METTL15: variants seen among roughly 807,000 people sequenced by gnomAD.
The protein encoded by METTL15 is 12S rRNA N(4)-cytidine methyltransferase METTL15.
In METTL15, 34 loss-of-function variants were observed where a neutral mutation model predicts 38.3. The observed-to-expected ratio is 0.89, with a 90% CI of 0.68 to 1.18. The LOEUF (loss-of-function observed/expected upper bound fraction) is 1.18, where lower values mean the gene tolerates loss of function less well. Ranked by LOEUF, METTL15 falls within the 50% of genes most tolerant of loss-of-function variation. The pLI is 0.00. For synonymous variants in METTL15, 162 were observed against 170.9 expected, an observed-to-expected ratio of 0.95 and a Z score of 0.41; for missense variants, 438 against 498.4, an observed-to-expected ratio of 0.88 and a Z score of 1.15.
chr11:28,525,306 A>C (rs570095177), intron 6 of METTL15, among the ~76,000 whole-genome samples: 25 of 152,222 alleles, frequency 1.6e-4, no homozygotes, highest in African/African-American at 4.3e-4. Context: ...AGAGAGCGGG[A>C]GTGGTCTGTT....
At chr11:28,295,632 G>A (rs1188665881) in intron 5 of METTL15, among the ~76,000 whole-genome samples, 1 of 151,842 alleles carries the variant, frequency 6.6e-6, no homozygotes, top group Non-Finnish European at 1.5e-5. Context: ...TGAAAAGCGA[G>A]GTTTGGACAA....
At chr11:28,510,736 C>T (rs945460754) in intron 6 of METTL15, among the ~76,000 whole-genome samples, 1 of 152,130 alleles carries the variant, frequency 6.6e-6, no homozygotes, top group Admixed American at 6.5e-5. Flanking sequence ...ATCTCATTCT[C>T]ACATCTTATA....
At chr11:28,185,576 G>A (rs1358182750) in intron 3 of METTL15, among the ~76,000 whole-genome samples, 1 of 151,348 alleles carries the variant, frequency 6.6e-6, no homozygotes, top group African/African-American at 2.4e-5. Flanking sequence ...ATCAACTTCA[G>A]TTTGCGGTGA....
intron 5 of METTL15, among the ~76,000 whole-genome samples, chr11:28,369,546 A>G (rs1359907137): frequency 2.0e-5 from 3 of 152,154 alleles, no homozygotes; most frequent in Admixed American, 1.3e-4. Context: ...TTGAAAACAG[A>G]AAGAGAAAAT....
chr11:28,221,833 G>A (rs1378076786), intron 4 of METTL15, among the ~76,000 whole-genome samples: 1 of 152,146 alleles, frequency 6.6e-6, no homozygotes, highest in Non-Finnish European at 1.5e-5. Flanking sequence ...GACCCTGTTT[G>A]CCTGGGTATC....
At chr11:28,117,279 A>G (rs201187315) in intron 3 of METTL15, among the ~76,000 whole-genome samples, 22,182 of 142,576 alleles carry the variant, frequency 0.16, 2,105 homozygotes, top group East Asian at 0.28. Flanking sequence ...ATATATATAT[A>G]TATATATATA....
chr11:28,211,325 T>C, intron 4 of METTL15, 127 bp downstream of exon 4: 6 of 781,936 alleles, frequency 7.7e-6, no homozygotes, highest in Non-Finnish European at 1.1e-5. Context: ...TTCTTCTTTT[T>C]TCCCCAAAAA....
At chr11:28,183,884 G>A (rs552897915) in intron 3 of METTL15, among the ~76,000 whole-genome samples, 1 of 152,088 alleles carries the variant, frequency 6.6e-6, no homozygotes, top group South Asian at 2.1e-4. Context: ...AATTCGTCTG[G>A]TTCTGGACTT....
chr11:28,436,849 A>T (rs750429511), intron 6 of METTL15, among the ~76,000 whole-genome samples: 1 of 152,096 alleles, frequency 6.6e-6, no homozygotes, highest in African/African-American at 2.4e-5. Context: ...GGGTGTGTCT[A>T]TGGGGATGTT....
chr11:28,313,481 C>T (rs1857376203), intron 6 of METTL15, among the ~76,000 whole-genome samples: 1 of 151,192 alleles, frequency 6.6e-6, no homozygotes. Context: ...TTATAAAGTA[C>T]AGGATTTTTA....
intron 4 of METTL15, among the ~76,000 whole-genome samples, chr11:28,287,078 T>G (rs1856297964): frequency 6.7e-6 from 1 of 150,022 alleles, no homozygotes; most frequent in Non-Finnish European, 1.5e-5. Flanking sequence ...TATATGTACA[T>G]GCACACACAC....
At chr11:28,313,814 A>T (rs1449279775) in intron 6 of METTL15, among the ~76,000 whole-genome samples, 1 of 152,128 alleles carries the variant, frequency 6.6e-6, no homozygotes, top group Non-Finnish European at 1.5e-5. Context: ...TAAAAGCTAT[A>T]TAATAAATAA....
chr11:28,206,284 A>G (rs1432646151), intron 3 of METTL15, among the ~76,000 whole-genome samples: 2 of 151,828 alleles, frequency 1.3e-5, no homozygotes, highest in Non-Finnish European at 2.9e-5. Context: ...TAATTTTTGT[A>G]TAAGATGTAA....
chr11:28,335,177 T>C (rs1040073050), downstream of METTL15, among the ~76,000 whole-genome samples: 5 of 152,156 alleles, frequency 3.3e-5, no homozygotes, highest in Non-Finnish European at 7.4e-5. Context: ...AGGTGAAGAT[T>C]TGTATTATTA....
In METTL15 at chr11:28,433,349, G is replaced by A. The variant is rs544040558; in HGVS notation, c.*424+8985G>A. ...GGAGCTAGCAAGTATCCCAATAAGA[G>A]AGGAAGAATAGGGTAGTGTTTAAGA... On this transcript the variant is annotated intron_variant and NMD_transcript_variant, in intron 6 of 7. Coordinates refer to the METTL15 transcript ENST00000532947. Among the ~76,000 whole-genome samples the A allele has an allele frequency of 2.6e-5, 4 of 152,210 alleles. No homozygotes were observed. In the South Asian group the frequency reaches 8.3e-4, roughly 32 times the overall value.
chr11:28,492,121 G>T (rs1851499904), intron 6 of METTL15, among the ~76,000 whole-genome samples: 1 of 152,054 alleles, frequency 6.6e-6, no homozygotes, highest in Non-Finnish European at 1.5e-5. Context: ...TTTAGAACAA[G>T]ATGTTTTTTG....
chr11:28,191,130 ATGAATG>A, intron 3 of METTL15, among the ~76,000 whole-genome samples: 2 of 151,444 alleles, frequency 1.3e-5, no homozygotes, highest in Non-Finnish European at 3.0e-5. Flanking sequence ...TGGAACTGGC[ATGAATG>A]ATTTTGCAAT....
intron 3 of METTL15, among the ~76,000 whole-genome samples, chr11:28,193,488 A>G (rs769116285): frequency 6.6e-6 from 1 of 152,088 alleles, no homozygotes; most frequent in Non-Finnish European, 1.5e-5. Context: ...GGATGGTACT[A>G]AACCATTAGA....
chr11:28,519,767 A>T (rs1397799458), intron 6 of METTL15, among the ~76,000 whole-genome samples: 2 of 149,120 alleles, frequency 1.3e-5, no homozygotes, highest in Admixed American at 6.7e-5. Context: ...CAGAAAGGCT[A>T]AAAAAAAATA....
Sources: allele counts gnomAD v4.1 joint callset (sites outside exome capture counted in the v4.1 genomes callset), GRCh38; gene constraint gnomAD v4.1.1; transcripts MANE v1.5; gene names NCBI Gene and HGNC (gene_info 2026-07-23, HGNC 2026-07-21).